The following FAM78B variants were observed in gnomAD, a reference collection of about 807,000 sequenced individuals.
FAM78B encodes the protein family with sequence similarity 78 member B, also known as protein FAM78B.
FAM78B carries 10 observed loss-of-function variants against 20.0 expected under a neutral mutation model. That is an observed-to-expected ratio of 0.50 (90% CI 0.31 to 0.85). The LOEUF is 0.85. Among genes scored for constraint, FAM78B ranks in the 40% least tolerant of loss-of-function variants. The probability of loss-of-function intolerance (pLI) is 0.05; values close to 1 mark genes in which losing one functional copy is unlikely to be tolerated. For missense variants in FAM78B, 283 were observed against 345.0 expected, an observed-to-expected ratio of 0.82 and a Z score of 1.42; for synonymous variants, 135 against 132.8, an observed-to-expected ratio of 1.02 and a Z score of -0.12.
chr1:166,128,427 C>G (rs12404396), intron 1 of FAM78B, among the ~76,000 whole-genome samples: 4,134 of 152,320 alleles, frequency 0.027, 256 homozygotes, highest in Admixed American at 0.14. Context: ...GGTCCTTGCA[C>G]TGGCACTGAA....
chr1:166,128,498 G>A (rs1654724904), intron 1 of FAM78B, among the ~76,000 whole-genome samples: 1 of 152,230 alleles, frequency 6.6e-6, no homozygotes, highest in Non-Finnish European at 1.5e-5. Context: ...ACCTGAATTA[G>A]TTTTCACTGT....
chr1:166,071,364 C>G (rs1330411630), intron 1 of FAM78B, among the ~76,000 whole-genome samples: 2 of 152,192 alleles, frequency 1.3e-5, no homozygotes, highest in African/African-American at 4.8e-5. Flanking sequence ...CTTCTGGAAA[C>G]CATCTGAATG....
chr1:166,148,881 G>A (rs1655574276), intron 1 of FAM78B, among the ~76,000 whole-genome samples: 1 of 152,220 alleles, frequency 6.6e-6, no homozygotes, highest in Non-Finnish European at 1.5e-5. Context: ...ACCTATGAGT[G>A]AGAATATGCG....
intron 1 of FAM78B, among the ~76,000 whole-genome samples, chr1:166,129,006 G>C (rs998454050): frequency 1.3e-5 from 2 of 152,138 alleles, no homozygotes; most frequent in Non-Finnish European, 2.9e-5. Flanking sequence ...CCAAAGTTGG[G>C]TCACCTGCTG....
chr1:166,157,261 CCA>C (rs917990238), intron 1 of FAM78B, among the ~76,000 whole-genome samples: 4 of 151,958 alleles, frequency 2.6e-5, no homozygotes, highest in Non-Finnish European at 5.9e-5. Flanking sequence ...TAAGGCTGAT[CCA>C]CAGTCATCCT....
At chr1:166,066,859 C>A (rs959915310), downstream of FAM78B, among the ~76,000 whole-genome samples, 1 of 152,166 alleles carries the variant, frequency 6.6e-6, no homozygotes. Context: ...GTGCCCCCAT[C>A]TCATGTGAGA....
intron 1 of FAM78B, among the ~76,000 whole-genome samples, chr1:166,141,529 T>C (rs1057311118): frequency 6.6e-6 from 1 of 152,264 alleles, no homozygotes; most frequent in Non-Finnish European, 1.5e-5. Context: ...GTGTTTACTA[T>C]GTGCCGGTAG....
chr1:166,090,869 C>T (rs932419461), intron 1 of FAM78B, among the ~76,000 whole-genome samples: 2 of 152,224 alleles, frequency 1.3e-5, no homozygotes, highest in African/African-American at 2.4e-5. Flanking sequence ...TGAGGGCTTA[C>T]TCTGTGCAGG....
At chr1:166,159,501 C>A (rs1656058826) in intron 1 of FAM78B, among the ~76,000 whole-genome samples, 1 of 152,316 alleles carries the variant, frequency 6.6e-6, no homozygotes, top group African/African-American at 2.4e-5. Flanking sequence ...ACACCCCACA[C>A]CAGACTTTGC....
At chr1:166,075,497 C>T (rs1652232724) in intron 1 of FAM78B, among the ~76,000 whole-genome samples, 1 of 152,166 alleles carries the variant, frequency 6.6e-6, no homozygotes. Context: ...TTACACCCAT[C>T]CCTGAACCAA....
At chr1:166,057,172 G>A (rs1197464473), downstream of FAM78B, among the ~76,000 whole-genome samples, 1 of 152,232 alleles carries the variant, frequency 6.6e-6, no homozygotes, top group Admixed American at 6.5e-5. Context: ...CCCAAAGCGT[G>A]TCATTAGGGA....
At chr1:166,109,814 G>GTGTATATATA (rs1553219345) in intron 1 of FAM78B, among the ~76,000 whole-genome samples, 1 of 32,648 alleles carries the variant, frequency 3.1e-5, no homozygotes, top group African/African-American at 9.8e-5. Flanking sequence ...ATGTATATAT[G>GTGTATATATA]TATATATATA....
chr1:166,079,043 C>T (rs1001363581), intron 1 of FAM78B, among the ~76,000 whole-genome samples: 6 of 151,942 alleles, frequency 3.9e-5, no homozygotes, highest in East Asian at 1.9e-4. Flanking sequence ...GTGATCCTCC[C>T]GCCTCAGCCT....
intron 1 of FAM78B, among the ~76,000 whole-genome samples, chr1:166,110,546 A>C (rs1295813816): frequency 6.6e-6 from 1 of 152,192 alleles, no homozygotes; most frequent in Non-Finnish European, 1.5e-5. Flanking sequence ...GCCAGCTGAG[A>C]GTTAACTTCA....
downstream of FAM78B, among the ~76,000 whole-genome samples, chr1:166,057,142 A>G (rs538235960): frequency 1.9e-3 from 286 of 152,362 alleles, 3 homozygotes; most frequent in Non-Finnish European, 3.1e-3. Flanking sequence ...ATTTGGTTAT[A>G]GCAGCCCCAA....
At chr1:166,159,796 A>G (rs928809085) in intron 1 of FAM78B, among the ~76,000 whole-genome samples, 2 of 152,090 alleles carry the variant, frequency 1.3e-5, no homozygotes, top group Admixed American at 6.5e-5. Flanking sequence ...CTATCTCTCC[A>G]ACTCCTCCTT....
chr1:166,071,278 G>A (rs969492923), intron 1 of FAM78B, among the ~76,000 whole-genome samples: 2 of 152,182 alleles, frequency 1.3e-5, no homozygotes, highest in African/African-American at 2.4e-5. Context: ...TAACAAAGAG[G>A]GTTGTTTAAA....
intron 1 of FAM78B, among the ~76,000 whole-genome samples, chr1:166,125,095 T>G (rs760386262): frequency 6.6e-6 from 1 of 152,230 alleles, no homozygotes; most frequent in African/African-American, 2.4e-5. Context: ...TACTTTTCCA[T>G]GCATAACTTG....
At chr1:166,086,023 G>A (rs1652814217) in intron 1 of FAM78B, among the ~76,000 whole-genome samples, 1 of 151,214 alleles carries the variant, frequency 6.6e-6, no homozygotes, top group South Asian at 2.1e-4. Flanking sequence ...CTTCCAGGCA[G>A]TCTACTAAAT....
Sources: gnomAD v4.1 joint callset for allele counts (sites outside exome capture counted in the v4.1 genomes callset) on GRCh38, gnomAD v4.1.1 for gene constraint, MANE v1.5 for transcripts, NCBI Gene and HGNC (gene_info 2026-07-23, HGNC 2026-07-21) for gene names.